The following MYRIP variants were observed in gnomAD, a reference collection of about 807,000 sequenced individuals.
MYRIP encodes myosin VIIA and Rab interacting protein, also known as rab effector MyRIP.
In MYRIP, 49 loss-of-function variants were observed where a neutral mutation model predicts 98.0. The observed-to-expected ratio is 0.50, with a 90% CI of 0.40 to 0.63. MYRIP has a LOEUF of 0.63. Ranked by LOEUF, MYRIP falls within the 30% of genes least tolerant of loss-of-function variation. The pLI, the probability that MYRIP is intolerant of heterozygous loss-of-function variation, is 0.00. For missense variants in MYRIP, 1,004 were observed against 1,058.2 expected, an observed-to-expected ratio of 0.95 and a Z score of 0.71; for synonymous variants, 404 against 409.5, an observed-to-expected ratio of 0.99 and a Z score of 0.16.
intron 4 of MYRIP, among the ~76,000 whole-genome samples, chr3:40,154,990 AT>A (rs1559424254): frequency 2.0e-5 from 3 of 151,828 alleles, no homozygotes; most frequent in East Asian, 1.9e-4. Flanking sequence ...TATTTTTATT[AT>A]TTTTTTATTA....
At chr3:39,945,476 CAA>C (rs67748992) in intron 2 of MYRIP, among the ~76,000 whole-genome samples, 5 of 65,162 alleles carry the variant, frequency 7.7e-5, no homozygotes, top group African/African-American at 2.2e-4. Context: ...GACTCCATCT[CAA>C]AAAAAAAAAA....
At position 39,871,411 on chromosome 3, in the gene MYRIP, A is replaced by G. The variant is rs1575325199; in HGVS notation, c.-30-29376A>G. 4.6e-5 allele frequency among the ~76,000 whole-genome samples: 7 copies of G among 152,286 alleles called. No homozygotes were observed. In the South Asian group the frequency reaches 1.5e-3, roughly 32 times the overall value. Reference sequence around the variant, plus strand: ...TAGTTTTTATTATGCATGGAGGAAAATCTTTAGTCAGCATGAGTTCTTCTT... The same window carrying G: ...TAGTTTTTATTATGCATGGAGGAAAGTCTTTAGTCAGCATGAGTTCTTCTT... On this transcript the variant is annotated intron_variant, in intron 1 of 16. Coordinates refer to ENST00000302541, the MANE Select transcript of MYRIP (RefSeq NM_015460.4).
intron 2 of MYRIP, among the ~76,000 whole-genome samples, chr3:39,908,561 A>C (rs899679676): frequency 1.1e-4 from 17 of 152,198 alleles, no homozygotes; most frequent in African/African-American, 4.1e-4. Flanking sequence ...AGTCAGTGAC[A>C]CAGAGACTCC....
At chr3:40,075,887 A>G (rs997139234) in intron 3 of MYRIP, among the ~76,000 whole-genome samples, 1 of 152,134 alleles carries the variant, frequency 6.6e-6, no homozygotes, top group Non-Finnish European at 1.5e-5. Flanking sequence ...TTGTCAGGAA[A>G]GCTAATCTGT....
intron 16 of MYRIP, among the ~76,000 whole-genome samples, chr3:40,256,150 T>C (rs1953581912): frequency 6.6e-6 from 1 of 152,220 alleles, no homozygotes. Flanking sequence ...AATAGCCACA[T>C]GTAGCTAGTG....
chr3:39,953,378 G>A (rs867848715), intron 2 of MYRIP, among the ~76,000 whole-genome samples: 17 of 152,158 alleles, frequency 1.1e-4, no homozygotes, highest in Middle Eastern at 6.8e-3. Flanking sequence ...ATTCACTTTT[G>A]GAGAGAACTG....
At chr3:39,870,344 TTCCAATTTGTTCCATTC>T (rs1942748701) in intron 1 of MYRIP, among the ~76,000 whole-genome samples, 1 of 44,158 alleles carries the variant, frequency 2.3e-5, no homozygotes. Flanking sequence ...AGCACCATTG[TTCCAATTTGTTCCATTC>T]TTCCAATTTG....
At chr3:40,033,404 C>T (rs1157398164) in intron 2 of MYRIP, among the ~76,000 whole-genome samples, 1 of 152,064 alleles carries the variant, frequency 6.6e-6, no homozygotes, top group Non-Finnish European at 1.5e-5. Flanking sequence ...ACAAAAATCA[C>T]AAGCATTCTT....
intron 3 of MYRIP, among the ~76,000 whole-genome samples, chr3:40,117,332 A>G (rs943085719): frequency 6.6e-6 from 1 of 152,178 alleles, no homozygotes; most frequent in Admixed American, 6.5e-5. Context: ...TCAAAGCCAT[A>G]TGATAGCTAC....
intron 3 of MYRIP, among the ~76,000 whole-genome samples, chr3:40,057,282 G>A (rs1294709941): frequency 6.6e-6 from 1 of 152,082 alleles, no homozygotes; most frequent in Non-Finnish European, 1.5e-5. Context: ...AAGAGCCAGG[G>A]TGTTCTTCAC....
chr3:39,959,440 A>G (rs991870156), intron 2 of MYRIP, among the ~76,000 whole-genome samples: 8 of 152,140 alleles, frequency 5.3e-5, no homozygotes, highest in South Asian at 2.1e-4. Context: ...ACCAAACACC[A>G]CATATTCTCA....
intron 3 of MYRIP, among the ~76,000 whole-genome samples, chr3:40,104,342 C>T (rs1949011722): frequency 1.3e-5 from 2 of 152,092 alleles, no homozygotes; most frequent in Admixed American, 6.6e-5. Context: ...TTTAAAGTCA[C>T]CCCAAATAAT....
chr3:39,847,815 T>C (rs1228260909), intron 1 of MYRIP, among the ~76,000 whole-genome samples: 1 of 152,200 alleles, frequency 6.6e-6, no homozygotes, highest in Non-Finnish European at 1.5e-5. Flanking sequence ...CTTAGTAGTT[T>C]CCATGCAGGA....
chr3:40,178,095 A>G (rs1270904553), intron 8 of MYRIP, among the ~76,000 whole-genome samples: 1 of 152,196 alleles, frequency 6.6e-6, no homozygotes, highest in Non-Finnish European at 1.5e-5. Flanking sequence ...TTGCCCTCAA[A>G]TCTTTGATAC....
chr3:40,238,288 C>A (rs920532781), intron 12 of MYRIP, among the ~76,000 whole-genome samples: 3 of 152,194 alleles, frequency 2.0e-5, no homozygotes, highest in Admixed American at 6.5e-5. Flanking sequence ...TTCAACAGAT[C>A]ACAGAGCCAT....
At chr3:40,232,123 T>C (rs1952678565) in intron 11 of MYRIP, among the ~76,000 whole-genome samples, 1 of 152,206 alleles carries the variant, frequency 6.6e-6, no homozygotes, top group Non-Finnish European at 1.5e-5. Context: ...ACCTTCCCTC[T>C]ATCTCGTTCC....
chr3:40,249,481 T>C (rs1320641448), intron 13 of MYRIP, among the ~76,000 whole-genome samples: 1 of 152,222 alleles, frequency 6.6e-6, no homozygotes, highest in African/African-American at 2.4e-5. Flanking sequence ...TGGTACTTAC[T>C]TCATAGAATT....
At chr3:40,206,995 A>G (rs1400178943) in intron 10 of MYRIP, among the ~76,000 whole-genome samples, 1 of 152,240 alleles carries the variant, frequency 6.6e-6, no homozygotes, top group East Asian at 1.9e-4. Context: ...TGACAGTTCC[A>G]TGTGTAGAGA....
chr3:40,035,771 T>A (rs1356423549), intron 2 of MYRIP, among the ~76,000 whole-genome samples: 1 of 151,832 alleles, frequency 6.6e-6, no homozygotes, highest in Non-Finnish European at 1.5e-5. Context: ...TAAAATAATT[T>A]TTAAAAGAAG....
Sources: allele counts gnomAD v4.1 joint callset (sites outside exome capture counted in the v4.1 genomes callset), GRCh38; gene constraint gnomAD v4.1.1; transcripts MANE v1.5; gene names NCBI Gene and HGNC (gene_info 2026-07-23, HGNC 2026-07-21).